The following ITGB3 variants were observed in gnomAD, a reference collection of about 807,000 sequenced individuals.
ITGB3 encodes the protein integrin subunit beta 3.
ITGB3 carries 48 observed loss-of-function variants against 85.8 expected under a neutral mutation model. That is an observed-to-expected ratio of 0.56 (90% confidence interval 0.44 to 0.71). The LOEUF is 0.71. ITGB3 is among the 30% of genes least tolerant of loss of function. The probability of loss-of-function intolerance (pLI) is 0.00; values close to 1 mark genes in which losing one functional copy is unlikely to be tolerated. For synonymous variants in ITGB3, 363 were observed against 395.6 expected (o/e 0.92, Z 0.98); for missense variants, 861 against 1,019.1 (o/e 0.84, Z 2.11).
At chr17:47,267,771 G>T (rs1055007258) in intron 1 of ITGB3, among the ~76,000 whole-genome samples, 5 of 152,178 alleles carry the variant, frequency 3.3e-5, no homozygotes, top group African/African-American at 1.2e-4. Context: ...GTGGCTACAA[G>T]TCAAGGACTC....
At chr17:47,269,952 T>A (rs1167200316) in intron 1 of ITGB3, among the ~76,000 whole-genome samples, 1 of 152,202 alleles carries the variant, frequency 6.6e-6, no homozygotes, top group Non-Finnish European at 1.5e-5. Context: ...TCAGGAAACT[T>A]ACAATCATGG....
At chr17:47,290,533 C>A (rs1407992259) in intron 8 of ITGB3, among the ~76,000 whole-genome samples, 1 of 151,930 alleles carries the variant, frequency 6.6e-6, no homozygotes, top group East Asian at 1.9e-4. Context: ...GGAGCAGAGC[C>A]CTGGAATTGT....
rs138718926 is a variant in ITGB3 at position 47,307,427 on chromosome 17, C to T, written c.2135-44C>T. 200 of 1,610,348 alleles carry T rather than the reference C, an allele frequency of 1.2e-4. 4 individuals are homozygous for T. The South Asian group carries it at 2.0e-3, about 16-fold the overall frequency. On this transcript the variant is annotated intron_variant, in intron 13 of 14. Transcript: ENST00000559488. ...TTTTCATAGCCAGTTCAAGTGACTC[C>T]TGCTTCATTCACAACCGCCCTGCTC...
intron 1 of ITGB3, among the ~76,000 whole-genome samples, chr17:47,264,530 T>C (rs1463708849): frequency 6.6e-6 from 1 of 152,198 alleles, no homozygotes; most frequent in Non-Finnish European, 1.5e-5. Context: ...CAGGATGATC[T>C]TTTTTTGCTC....
At position 47,283,955 on chromosome 17, in the gene ITGB3, TG is replaced by T. The variant is rs1323968160; in HGVS notation, c.361+411del. Among the ~76,000 whole-genome samples, 4 of 152,118 alleles carry T rather than the reference TG, an allele frequency of 2.6e-5. No individual in the cohort carries two copies. The East Asian group carries it at 7.7e-4, about 29-fold the overall frequency. ...TTCATGGGGAATTGGGACAGGGGAA[TG>T]GGGGCAGACACAATAGGTACACAAG... On this transcript the variant is annotated intron_variant, in intron 3 of 14. Coordinates refer to ENST00000559488, the MANE Select transcript of ITGB3 (RefSeq NM_000212.3).
At position 47,291,234 on chromosome 17, in the gene ITGB3, A is replaced by G. The variant is rs1598694039; in HGVS notation, c.1260+146A>G. 1.7e-5 allele frequency: 15 copies of G among 896,034 alleles called. 1 individual carries two copies. In the South Asian group the frequency reaches 2.2e-4, roughly 13 times the overall value. The allele number at this position is 896,034 out of a possible 1,614,324, so 55.5% of individuals were successfully genotyped here. ...AATACGTTTCCTGAAAGTCATTCTAAGTTAGATGTAATGGATCCACCAATC... is the reference window on the plus strand; with the variant it reads ...AATACGTTTCCTGAAAGTCATTCTAGGTTAGATGTAATGGATCCACCAATC... On this transcript the variant is annotated intron_variant, in intron 9 of 14. Transcript: ENST00000559488.
intron 1 of ITGB3, among the ~76,000 whole-genome samples, chr17:47,263,857 A>T (rs1049383314): frequency 6.6e-6 from 1 of 152,124 alleles, no homozygotes; most frequent in Non-Finnish European, 1.5e-5. Context: ...AAGACATTTG[A>T]ACTTTGTGTA....
chr17:47,297,357 A>G (rs1162031995), intron 10 of ITGB3, among the ~76,000 whole-genome samples: 1 of 152,148 alleles, frequency 6.6e-6, no homozygotes, highest in Non-Finnish European at 1.5e-5. Context: ...AACATACTAA[A>G]GAACTTGCGG....
rs1680438550 is a variant in ITGB3 at position 47,299,335 on chromosome 17, G to A, written c.1718G>A (p.Cys573Tyr). ...CATGGCCAGTGCAGCTGTGGGGACT[G>A]CCTGTGTGACTCCGACTGGACCGGC... ...SGHGQCSCGD[C>Y]LCDSDWTGYY... The change falls in exon 11 of 15, where the codon TGC becomes TAC. Residue 573 changes from cysteine (C) to tyrosine (Y), a missense_variant. Transcript: ENST00000559488. This position sits in a 1 kb window ranked among gnomAD's most constrained non-coding sequence, Gnocchi z 5.1. 2 of 1,614,104 alleles carry A rather than the reference G, an allele frequency of 1.2e-6. No homozygotes were observed. Among genetic ancestry groups the A allele is most frequent in the Non-Finnish European group, 1.7e-6 (2 of 1,180,050 alleles).
intron 1 of ITGB3, 41 bp from the exon 2 acceptor site, chr17:47,274,378 G>T: frequency 2.5e-6 from 4 of 1,590,874 alleles, no homozygotes; most frequent in South Asian, 1.1e-5. Context: ...TACCTTCACT[G>T]AGCCAAATCT....
chr17:47,259,243 A>T (rs2065000790), intron 1 of ITGB3: 1 of 151,316 alleles, frequency 6.6e-6, no homozygotes, highest in Non-Finnish European at 1.5e-5. Flanking sequence ...TGGAGTCAGA[A>T]GTTGTTAAGT....
In ITGB3 at chr17:47,302,805, G is replaced by A; in HGVS notation, c.2099G>A (p.Ser700Asn). The A allele has an allele frequency of 6.2e-7, 1 of 1,614,206 alleles. No individual in the cohort carries two copies. The highest frequency in any genetic ancestry group is 8.5e-7 in the Non-Finnish European group (1 of 1,180,010). ...AGATTCCAGTACTATGAAGATTCTA[G>A]TGGAAAGTCCATCCTGTATGTGGTA... Reference protein sequence around the residue: ...VVRFQYYEDSSGKSILYVVEE... With the variant: ...VVRFQYYEDSNGKSILYVVEE... The change falls in exon 13 of 15, where the codon AGT becomes AAT. Residue 700 changes from serine (S) to asparagine (N), a missense_variant. Physicochemically the swap from Ser to Asn is conservative, Grantham distance 46 (BLOSUM62 1). Transcript: ENST00000559488.
chr17:47,274,227 C>T (rs550144583), intron 1 of ITGB3, among the ~76,000 whole-genome samples, 192 bp from the exon 2 acceptor site: 14 of 152,326 alleles, frequency 9.2e-5, no homozygotes, highest in African/African-American at 3.4e-4. Context: ...ATGAGTTTCT[C>T]CTGATTTTCC....
At chr17:47,300,346 C>CGCGCGCGCGCGCGCGTGTGT (rs377375532) in intron 11 of ITGB3, 132 bp from the exon 12 acceptor site, 1 of 611,562 alleles carries the variant, frequency 1.6e-6, no homozygotes, top group Admixed American at 2.2e-5. Context: ...CGCGCGCGCG[C>CGCGCGCGCGCGCGCGTGTGT]GTGTGTGTGT....
chr17:47,292,115 A>C, intron 9 of ITGB3, 24 bp from the exon 10 acceptor site: 2 of 1,613,610 alleles, frequency 1.2e-6, no homozygotes, highest in Non-Finnish European at 1.7e-6. Flanking sequence ...ACTGTGTCTA[A>C]ATACAATCTT....
At chr17:47,272,468 G>C (rs932108411) in intron 1 of ITGB3, among the ~76,000 whole-genome samples, 9 of 151,752 alleles carry the variant, frequency 5.9e-5, no homozygotes, top group Non-Finnish European at 1.3e-4. Context: ...GATCATTTCC[G>C]TTTTTATGGT....
rs546179568 is a variant in ITGB3, at chr17:47,279,303, AC to A, written c.166-4047del. ...CCTGGGAACTGAAACTTTAATATCC[AC>A]CCCTCCCCCTTCTAGCTTTCTTCCT... On this transcript the variant is annotated intron_variant, in intron 2 of 14. Transcript: ENST00000559488. Among the ~76,000 whole-genome samples the A allele has an allele frequency of 5.4e-3, 811 of 151,390 alleles. 6 individuals carry two copies. Among genetic ancestry groups the A allele is most frequent in the Non-Finnish European group, 8.7e-3 (588 of 67,834 alleles).
intron 10 of ITGB3, among the ~76,000 whole-genome samples, chr17:47,293,273 A>C (rs2143116040): frequency 1.3e-5 from 2 of 152,308 alleles, no homozygotes; most frequent in African/African-American, 4.8e-5. Flanking sequence ...TGCAAAATTC[A>C]GTAAAATCTT....
Position 47,307,525 on chromosome 17 carries a change from T to A in ITGB3, c.2189T>A (p.Ile730Asn). 1 of 1,614,156 alleles carries A rather than the reference T, an allele frequency of 6.2e-7. No homozygotes were observed. The highest frequency in any genetic ancestry group is 8.5e-7 in the Non-Finnish European group (1 of 1,180,016). The change falls in exon 14 of 15, where the codon ATT (isoleucine) becomes AAT (asparagine). Residue 730 changes from isoleucine (I) to asparagine (N), a missense_variant. Ile to Asn is a moderately radical substitution (Grantham distance 149). Coordinates refer to ENST00000559488, the MANE Select transcript of ITGB3 (RefSeq NM_000212.3). The part of the protein sequence containing the change: ...LVVLLSVMGA[I>N]LLIGLAALLI... ...GTCCTGCTCTCAGTGATGGGGGCCATTCTGCTCATTGGCCTTGCCGCCCTG... is the reference window on the plus strand; with the variant it reads ...GTCCTGCTCTCAGTGATGGGGGCCAATCTGCTCATTGGCCTTGCCGCCCTG...
Sources: allele counts gnomAD v4.1 joint callset (sites outside exome capture counted in the v4.1 genomes callset), GRCh38; gene constraint gnomAD v4.1.1; non-coding constraint Gnocchi (gnomAD v3.1); transcripts MANE v1.5; gene names NCBI Gene and HGNC (gene_info 2026-07-23, HGNC 2026-07-21).